CCDC85A: variants seen among roughly 807,000 people sequenced by gnomAD.
CCDC85A encodes coiled-coil domain containing 85A.
CCDC85A carries 38 observed loss-of-function variants against 50.2 expected under a neutral mutation model. The ratio of observed to expected loss-of-function variants is 0.76; its 90% CI spans 0.58 to 0.99. CCDC85A has a LOEUF of 0.99. Among genes scored for constraint, CCDC85A ranks in the 50% least tolerant of loss-of-function variants. The probability of loss-of-function intolerance (pLI) is 0.00; values close to 1 mark genes in which losing one functional copy is unlikely to be tolerated. For missense variants in CCDC85A, 820 were observed against 742.0 expected (o/e 1.11, Z -1.22); for synonymous variants, 366 against 301.4 (o/e 1.21, Z -2.22).
chr2:56,250,587 G>A (rs1451131625), intron 2 of CCDC85A, among the ~76,000 whole-genome samples: 1 of 152,150 alleles, frequency 6.6e-6, no homozygotes, highest in African/African-American at 2.4e-5. Flanking sequence ...ACAAGGGCAG[G>A]ACATTTTGGG....
chr2:56,344,130 G>A (rs1432745332), intron 3 of CCDC85A, among the ~76,000 whole-genome samples: 1 of 151,968 alleles, frequency 6.6e-6, no homozygotes, highest in Non-Finnish European at 1.5e-5. Flanking sequence ...CTGAAACCAC[G>A]GATAGTACCA....
intron 2 of CCDC85A, among the ~76,000 whole-genome samples, chr2:56,287,450 A>G (rs1324302068): frequency 6.6e-6 from 1 of 152,144 alleles, no homozygotes; most frequent in Admixed American, 6.6e-5. Flanking sequence ...TTCTCTCAAC[A>G]ATTACTATCT....
rs1438096267 is a variant in CCDC85A at position 56,317,162 on chromosome 2, G to T, written c.1241-25717G>T. Among the ~76,000 whole-genome samples the T allele has an allele frequency of 3.3e-5, 5 of 152,164 alleles. No individual in the cohort carries two copies. The South Asian group carries it at 6.2e-4, about 19-fold the overall frequency. ...TATTTCTCATAGCCAAGTCAATTCA[G>T]CTAAGACTTGAAGGCACCAATTATT... On this transcript the variant is annotated intron_variant, in intron 2 of 5. Coordinates refer to ENST00000407595, the MANE Select transcript of CCDC85A (RefSeq NM_001080433.2).
intron 4 of CCDC85A, among the ~76,000 whole-genome samples, chr2:56,374,593 G>A (rs974722607): frequency 2.0e-5 from 3 of 152,250 alleles, no homozygotes; most frequent in Admixed American, 2.0e-4. Flanking sequence ...AGGATCACTT[G>A]AGGCCAGGAG....
chr2:56,278,190 A>G (rs1449133647), intron 2 of CCDC85A, among the ~76,000 whole-genome samples: 1 of 152,006 alleles, frequency 6.6e-6, no homozygotes, highest in Non-Finnish European at 1.5e-5. Context: ...GATCCTCTAT[A>G]TTGGTTTGAG....
chr2:56,348,325 G>A (rs1347350614), intron 3 of CCDC85A, among the ~76,000 whole-genome samples: 2 of 152,102 alleles, frequency 1.3e-5, no homozygotes. Flanking sequence ...ATCCATAGAG[G>A]CACCCGGAAC....
At chr2:56,347,153 A>G (rs1329685340) in intron 3 of CCDC85A, among the ~76,000 whole-genome samples, 2 of 152,226 alleles carry the variant, frequency 1.3e-5, no homozygotes, top group African/African-American at 4.8e-5. Context: ...GGTTTTCTCT[A>G]TACAAAGAAT....
At chr2:56,307,766 A>AAATTCGTG (rs1672510203) in intron 2 of CCDC85A, among the ~76,000 whole-genome samples, 1 of 152,220 alleles carries the variant, frequency 6.6e-6, no homozygotes, top group Non-Finnish European at 1.5e-5. Context: ...CATGGCTTTA[A>AAATTCGTG]AATTCGTGTC....
intron 2 of CCDC85A, among the ~76,000 whole-genome samples, chr2:56,291,039 C>T (rs1248829697): frequency 6.6e-6 from 1 of 152,148 alleles, no homozygotes; most frequent in Non-Finnish European, 1.5e-5. Context: ...ATTTGAAGAA[C>T]TTATGTTGCG....
chr2:56,374,489 C>T (rs1343019465), intron 4 of CCDC85A, among the ~76,000 whole-genome samples: 1 of 152,146 alleles, frequency 6.6e-6, no homozygotes, highest in Admixed American at 6.5e-5. Flanking sequence ...GCAGTTTTCT[C>T]TTCTTATCTC....
intron 3 of CCDC85A, among the ~76,000 whole-genome samples, chr2:56,343,991 A>G (rs186967596): frequency 2.0e-5 from 3 of 152,272 alleles, no homozygotes; most frequent in Admixed American, 6.5e-5. Context: ...GGTACTGCAC[A>G]TAAGAATCCT....
chr2:56,323,216 C>T (rs1026248888), intron 2 of CCDC85A, among the ~76,000 whole-genome samples: 3 of 152,074 alleles, frequency 2.0e-5, no homozygotes, highest in African/African-American at 7.2e-5. Context: ...ATGGGTGCAG[C>T]ACACCAACAT....
At chr2:56,361,062 G>C (rs1675497685) in intron 3 of CCDC85A, among the ~76,000 whole-genome samples, 1 of 152,126 alleles carries the variant, frequency 6.6e-6, no homozygotes, top group Non-Finnish European at 1.5e-5. Flanking sequence ...GACCATCCTG[G>C]CTAACATGTT....
intron 2 of CCDC85A, among the ~76,000 whole-genome samples, chr2:56,218,279 A>G (rs727297): frequency 0.38 from 57,094 of 151,714 alleles, 12,239 homozygotes; most frequent in East Asian, 0.57. Context: ...AAGCAGAACT[A>G]TATATGTAAA....
At chr2:56,362,837 T>A (rs1164926844) in intron 3 of CCDC85A, among the ~76,000 whole-genome samples, 1 of 152,114 alleles carries the variant, frequency 6.6e-6, no homozygotes, top group Non-Finnish European at 1.5e-5. Context: ...TTGGCCAGGC[T>A]GGTCTCAAAC....
chr2:56,370,960 CA>C (rs1676042029), intron 3 of CCDC85A, among the ~76,000 whole-genome samples: 1 of 151,812 alleles, frequency 6.6e-6, no homozygotes, highest in African/African-American at 2.4e-5. Context: ...CATTAATGAT[CA>C]TCTCAGAAAT....
intron 1 of CCDC85A, among the ~76,000 whole-genome samples, chr2:56,185,996 C>A (rs1676022681): frequency 6.6e-6 from 1 of 152,190 alleles, no homozygotes; most frequent in Admixed American, 6.5e-5. Context: ...ACAGTAGATG[C>A]TGTTCCGGAA....
Position 56,251,565 on chromosome 2 carries a change from C to T in CCDC85A, c.1240+58125C>T, listed in dbSNP as rs975622632. 3.3e-5 allele frequency among the ~76,000 whole-genome samples: 5 copies of T among 151,932 alleles called. No homozygotes were observed. In the South Asian group the frequency reaches 1.0e-3, roughly 32 times the overall value. Reference sequence around the variant, plus strand: ...CAACCTCCTCTTTGGCTTAACCTCCCTTGGTCTGTGTTGGTGGTGGCAGGG... The same window carrying T: ...CAACCTCCTCTTTGGCTTAACCTCCTTTGGTCTGTGTTGGTGGTGGCAGGG... On this transcript the variant is annotated intron_variant, in intron 2 of 5. Transcript: ENST00000407595.
chr2:56,186,844 C>T (rs60822976), intron 1 of CCDC85A, among the ~76,000 whole-genome samples: 8,226 of 152,216 alleles, frequency 0.054, 308 homozygotes, highest in East Asian at 0.16. Flanking sequence ...AAGGCCCGTA[C>T]ACCCAAGTAA....
Sources: allele counts gnomAD v4.1 joint callset (sites outside exome capture counted in the v4.1 genomes callset), GRCh38; gene constraint gnomAD v4.1.1; transcripts MANE v1.5; gene names NCBI Gene and HGNC (gene_info 2026-07-23, HGNC 2026-07-21).